The following CDC27 variants were observed in gnomAD, a reference collection of about 807,000 sequenced individuals.
The protein encoded by CDC27 is cell division cycle protein 27 homolog.
CDC27 carries 27 observed loss-of-function variants against 109.7 expected under a neutral mutation model. The ratio of observed to expected loss-of-function variants is 0.25; its 90% CI spans 0.18 to 0.34. The LOEUF is 0.34. CDC27 is among the 10% of genes least tolerant of loss of function. The pLI is 1.00. For missense variants in CDC27, 579 were observed against 960.2 expected, an observed-to-expected ratio of 0.60 and a Z score of 5.25; for synonymous variants, 266 against 333.9, an observed-to-expected ratio of 0.80 and a Z score of 2.22.
chr17:47,132,224 TAATAG>T, intron 15 of CDC27, 28 bp downstream of exon 15: 1 of 958,922 alleles, frequency 1.0e-6, no homozygotes, highest in Non-Finnish European at 1.6e-6. Flanking sequence ...AAAGGGAGAT[TAATAG>T]AGTATTAATG....
At chr17:47,173,215 C>G (rs991226932) in intron 2 of CDC27, among the ~76,000 whole-genome samples, 4 of 152,074 alleles carry the variant, frequency 2.6e-5, no homozygotes, top group Admixed American at 6.6e-5. Context: ...TTTTTTGTCA[C>G]AGATATGTGC....
Position 47,163,735 on chromosome 17 carries a change from TG to T in CDC27, c.378-5433del, listed in dbSNP as rs2063562089. Among the ~76,000 whole-genome samples the T allele has an allele frequency of 2.6e-5, 4 of 152,196 alleles. No homozygotes were observed. In the South Asian group the frequency reaches 8.3e-4, roughly 32 times the overall value. On this transcript the variant is annotated intron_variant, in intron 4 of 18. Coordinates refer to ENST00000066544, the MANE Select transcript of CDC27 (RefSeq NM_001256.6). ...TGACATTCTGTTACAACAGATCACA[TG>T]TATGACAATAGTCTCATAAGATTAT...
intron 4 of CDC27, among the ~76,000 whole-genome samples, chr17:47,169,174 A>G: frequency 6.6e-6 from 1 of 151,238 alleles, no homozygotes; most frequent in Admixed American, 6.6e-5. Flanking sequence ...ATTTTTTTGT[A>G]GAGATGGGGT....
chr17:47,137,130 T>C, intron 14 of CDC27, 22 bp downstream of exon 14: 2 of 1,466,016 alleles, frequency 1.4e-6, no homozygotes, highest in Non-Finnish European at 1.9e-6. Flanking sequence ...CGACTTTGTC[T>C]TTGTACTTCA....
At chr17:47,168,415 T>C (rs2063714094) in intron 4 of CDC27, among the ~76,000 whole-genome samples, 1 of 152,206 alleles carries the variant, frequency 6.6e-6, no homozygotes. Flanking sequence ...ACCAAATATA[T>C]ATATTTCACT....
chr17:47,156,376 G>C (rs2063306244), intron 7 of CDC27, among the ~76,000 whole-genome samples: 1 of 152,072 alleles, frequency 6.6e-6, no homozygotes, highest in Admixed American at 6.5e-5. Context: ...CTGACCTCGT[G>C]ATCTGCCCAC....
At chr17:47,133,129 AT>A (rs2062441391) in intron 14 of CDC27, among the ~76,000 whole-genome samples, 8 of 123,698 alleles carry the variant, frequency 6.5e-5, no homozygotes, top group East Asian at 5.2e-4. Context: ...ATATATATAT[AT>A]ATATATAATA....
At chr17:47,143,840 C>A in intron 10 of CDC27, 43 bp downstream of exon 10, 1 of 901,058 alleles carries the variant, frequency 1.1e-6, no homozygotes, top group Non-Finnish European at 1.6e-6. Flanking sequence ...TGTTAGCAGG[C>A]GAAGCATTAA....
In CDC27 at chr17:47,160,765, T is replaced by C. The variant is rs569664457; in HGVS notation, c.378-2462A>G. ...TATCAGGTAAAATGTATACATCATCTGTTTATGTGCGGAATGTCAGTATAA... is the reference window on the plus strand; with the variant it reads ...TATCAGGTAAAATGTATACATCATCCGTTTATGTGCGGAATGTCAGTATAA... On this transcript the variant is annotated intron_variant, in intron 4 of 18. Coordinates refer to ENST00000066544, the MANE Select transcript of CDC27 (RefSeq NM_001256.6). 2.6e-5 allele frequency among the ~76,000 whole-genome samples: 4 copies of C among 152,342 alleles called. No homozygotes were observed. The East Asian group carries it at 7.7e-4, about 29-fold the overall frequency.
chr17:47,127,788 C>T (rs540082979), intron 16 of CDC27, among the ~76,000 whole-genome samples: 9 of 151,440 alleles, frequency 5.9e-5, no homozygotes, highest in African/African-American at 1.5e-4. Flanking sequence ...CTGCAACCTC[C>T]GCCTCCTGAG....
At chr17:47,134,785 C>CTTTTT (rs376654308) in intron 14 of CDC27, among the ~76,000 whole-genome samples, 179 of 124,890 alleles carry the variant, frequency 1.4e-3, no homozygotes, top group Non-Finnish European at 1.7e-3. Flanking sequence ...TAATTGTTTT[C>CTTTTT]TTTTTTTTTT....
intron 8 of CDC27, among the ~76,000 whole-genome samples, chr17:47,153,679 T>C (rs1260809595): frequency 6.6e-6 from 1 of 152,218 alleles, no homozygotes; most frequent in Non-Finnish European, 1.5e-5. Context: ...AGGTATTTTA[T>C]ATATAGAACC....
chr17:47,169,490 C>T (rs559826602), intron 4 of CDC27, among the ~76,000 whole-genome samples: 1 of 151,680 alleles, frequency 6.6e-6, no homozygotes, highest in East Asian at 1.9e-4. Flanking sequence ...ACCAAAAATA[C>T]AAAAATTAGC....
chr17:47,149,077 C>CAAAAAAAAA (rs71138591), intron 9 of CDC27, among the ~76,000 whole-genome samples: 1 of 66,874 alleles, frequency 1.5e-5, no homozygotes, highest in South Asian at 4.8e-4. Context: ...GACTCTGTCT[C>CAAAAAAAAA]AAAAAAAAAA....
At chr17:47,133,100 AATATACATAT>A (rs1405678931) in intron 14 of CDC27, among the ~76,000 whole-genome samples, 6 of 15,026 alleles carry the variant, frequency 4.0e-4, no homozygotes, top group African/African-American at 1.9e-3. Flanking sequence ...CACACACACA[AATATACATAT>A]ATATATATAT....
At chr17:47,166,762 G>A (rs537500961) in intron 4 of CDC27, among the ~76,000 whole-genome samples, 1 of 152,066 alleles carries the variant, frequency 6.6e-6, no homozygotes, top group African/African-American at 2.4e-5. Flanking sequence ...CAACATCATA[G>A]TTTTTAATAT....
chr17:47,122,749 C>T (rs965393021), intron 17 of CDC27, 149 bp from the exon 18 acceptor site: 5 of 435,118 alleles, frequency 1.1e-5, no homozygotes, highest in African/African-American at 1.0e-4. Flanking sequence ...TCTTGGCTCA[C>T]TGCAACCTCC....
intron 2 of CDC27, among the ~76,000 whole-genome samples, chr17:47,180,946 A>AAAAT (rs2064198718): frequency 1.4e-5 from 1 of 72,196 alleles, no homozygotes; most frequent in Non-Finnish European, 2.8e-5. Context: ...CTCTTTTCTT[A>AAAAT]AAAAAAAAAA....
At chr17:47,169,106 T>C (rs2063734850) in intron 4 of CDC27, among the ~76,000 whole-genome samples, 1 of 148,684 alleles carries the variant, frequency 6.7e-6, no homozygotes, top group Non-Finnish European at 1.5e-5. Context: ...ATCCTCCACC[T>C]CAGTCTCCTG....
Sources: gnomAD v4.1 joint callset for allele counts (sites outside exome capture counted in the v4.1 genomes callset) on GRCh38, gnomAD v4.1.1 for gene constraint, MANE v1.5 for transcripts, NCBI Gene and HGNC (gene_info 2026-07-23, HGNC 2026-07-21) for gene names.